The following BABAM2 variants were observed in gnomAD, a reference collection of about 807,000 sequenced individuals.
BABAM2 encodes BRISC and BRCA1-A complex member 2.
BABAM2 carries 31 observed loss-of-function variants against 54.7 expected under a neutral mutation model. The ratio of observed to expected loss-of-function variants is 0.57; its 90% CI spans 0.43 to 0.77. The LOEUF (loss-of-function observed/expected upper bound fraction) is 0.77. Among genes scored for constraint, BABAM2 ranks in the 30% least tolerant of loss-of-function variants. BABAM2 has a pLI of 0.00. For missense variants in BABAM2, 364 were observed against 455.8 expected, an observed-to-expected ratio of 0.80 and a Z score of 1.83; for synonymous variants, 167 against 162.9, an observed-to-expected ratio of 1.03 and a Z score of -0.19.
intron 5 of BABAM2, among the ~76,000 whole-genome samples, chr2:28,034,169 A>G (rs905510949): frequency 6.6e-6 from 1 of 152,156 alleles, no homozygotes; most frequent in African/African-American, 2.4e-5. Flanking sequence ...TATCTGAGCA[A>G]TGTTTGAGTG....
At chr2:28,135,488 G>A (rs1331037052) in intron 7 of BABAM2, among the ~76,000 whole-genome samples, 1 of 151,768 alleles carries the variant, frequency 6.6e-6, no homozygotes, top group Non-Finnish European at 1.5e-5. Context: ...TTGTGGCATT[G>A]CCTGTTTGTG....
chr2:28,005,868 C>T (rs1205497310), intron 4 of BABAM2, among the ~76,000 whole-genome samples: 1 of 152,046 alleles, frequency 6.6e-6, no homozygotes, highest in Non-Finnish European at 1.5e-5. Flanking sequence ...TTGAAGCAAA[C>T]CCCACATATT....
chr2:28,256,798 G>T (rs573897289), intron 10 of BABAM2, among the ~76,000 whole-genome samples: 1 of 149,874 alleles, frequency 6.7e-6, no homozygotes, highest in Admixed American at 6.7e-5. Context: ...GGGCTCAAGC[G>T]ATTCTCCTGC....
chr2:28,219,580 A>G (rs1183462441), intron 7 of BABAM2, among the ~76,000 whole-genome samples: 1 of 151,754 alleles, frequency 6.6e-6, no homozygotes, highest in Non-Finnish European at 1.5e-5. Flanking sequence ...AGCTTTGGGG[A>G]GCCATCATTC....
chr2:27,941,120 C>A (rs1456227105), intron 3 of BABAM2, among the ~76,000 whole-genome samples: 1 of 152,054 alleles, frequency 6.6e-6, no homozygotes, highest in Admixed American at 6.6e-5. Flanking sequence ...ATTTCTGGGT[C>A]ATGTATTATC....
chr2:27,932,096 T>G (rs1394278334), intron 3 of BABAM2, among the ~76,000 whole-genome samples: 1 of 152,186 alleles, frequency 6.6e-6, no homozygotes. Flanking sequence ...TTCTATGTTT[T>G]GTAGAATGAT....
rs775096236 is a variant in BABAM2 at position 27,929,867 on chromosome 2, G to A, written c.164G>A (p.Arg55Gln). 2 of 1,613,682 alleles carry A rather than the reference G, an allele frequency of 1.2e-6. No individual in the cohort carries two copies. The highest frequency in any genetic ancestry group is 8.5e-7 in the Non-Finnish European group (1 of 1,179,660). Residue 55 changes from arginine to glutamine, a missense_variant, in exon 3 of 12, where the codon CGA (arginine) becomes CAA (glutamine). Transcript: ENST00000379624. ...TTGACTCCTGGGCCCAACTGTGACCGATTTAAACTGCACATACCATATGCT... is the reference window on the plus strand; with the variant it reads ...TTGACTCCTGGGCCCAACTGTGACCAATTTAAACTGCACATACCATATGCT... ...TSLTPGPNCD[R>Q]FKLHIPYAGE...
chr2:28,193,777 C>G (rs1422111667), intron 7 of BABAM2, among the ~76,000 whole-genome samples: 1 of 152,228 alleles, frequency 6.6e-6, no homozygotes. Context: ...CTCTCTTCCT[C>G]TTTTCCCTCC....
chr2:27,890,219 C>T (rs1664701575), upstream of BABAM2: 1 of 1,596,128 alleles, frequency 6.3e-7, no homozygotes, highest in African/African-American at 1.3e-5. The surrounding 1 kb of genome is among the most constrained non-coding windows in gnomAD (Gnocchi z 4.8). Context: ...ACGCCTCCTC[C>T]CCCGAGCCGC....
chr2:28,259,715 T>G (rs578187173), intron 10 of BABAM2, among the ~76,000 whole-genome samples: 2 of 152,302 alleles, frequency 1.3e-5, no homozygotes, highest in South Asian at 4.1e-4. Context: ...GTTTCTAGTT[T>G]TAGCTCTAAA....
At chr2:28,111,524 A>G (rs537093824) in intron 6 of BABAM2, among the ~76,000 whole-genome samples, 121 of 152,238 alleles carry the variant, frequency 7.9e-4, no homozygotes, top group Non-Finnish European at 1.3e-3. Context: ...CTACTTTTTT[A>G]TCACTTGTAT....
At chr2:27,912,203 T>C (rs1005143044) in intron 2 of BABAM2, among the ~76,000 whole-genome samples, 3 of 152,116 alleles carry the variant, frequency 2.0e-5, no homozygotes, top group African/African-American at 7.2e-5. Flanking sequence ...ATTTTAAGTC[T>C]GTCACTGATT....
At chr2:27,952,504 G>A (rs1669805548) in intron 3 of BABAM2, among the ~76,000 whole-genome samples, 2 of 152,046 alleles carry the variant, frequency 1.3e-5, no homozygotes, top group Admixed American at 6.6e-5. Flanking sequence ...CATAATGAAG[G>A]GTGTTTAGGA....
intron 10 of BABAM2, among the ~76,000 whole-genome samples, chr2:28,263,139 A>G (rs1373645826): frequency 6.7e-6 from 1 of 149,112 alleles, no homozygotes; most frequent in Non-Finnish European, 1.5e-5. Flanking sequence ...CTCAAAAAAA[A>G]AAAAAAAAGA....
In BABAM2 at chr2:28,013,694, TACACACACACACAC is replaced by T. The variant is rs56148921; in HGVS notation, c.301-11509_301-11496del. On this transcript the variant is annotated intron_variant, in intron 4 of 11. Coordinates refer to ENST00000379624, the MANE Select transcript of BABAM2 (RefSeq NM_199191.3). ...AAAAAAAAAAAAAAAAAAAAGCTCT[TACACACACACACAC>T]ACACACACACACACACACACACGTG... 2.0e-4 allele frequency among the ~76,000 whole-genome samples: 21 copies of T among 106,038 alleles called. No homozygotes were observed. The East Asian group carries it at 2.8e-3, about 14-fold the overall frequency. The allele number at this position is 106,038 out of a possible 152,430, so 69.6% of individuals were successfully genotyped here.
At chr2:27,942,172 G>A (rs959485866) in intron 3 of BABAM2, among the ~76,000 whole-genome samples, 3 of 152,186 alleles carry the variant, frequency 2.0e-5, no homozygotes, top group Admixed American at 6.5e-5. Context: ...CAGAGACACT[G>A]TGGGGCTTGG....
At chr2:27,934,416 C>T (rs1414248975) in intron 3 of BABAM2, among the ~76,000 whole-genome samples, 1 of 152,144 alleles carries the variant, frequency 6.6e-6, no homozygotes, top group Non-Finnish European at 1.5e-5. Flanking sequence ...CTGTACTGAT[C>T]GTCCTTTTTC....
Position 28,145,002 on chromosome 2 carries a change from G to A in BABAM2, c.680+15622G>A, listed in dbSNP as rs572788089. On this transcript the variant is annotated intron_variant, in intron 7 of 11. Coordinates refer to ENST00000379624, the MANE Select transcript of BABAM2 (RefSeq NM_199191.3). The stretch of plus-strand genomic sequence containing the variant: ...CCTCACAGCACCTGCATCAACATGA[G>A]GTTGGGATTTGATTAAAAGTGGATT... Among the ~76,000 whole-genome samples, 57 of 152,304 alleles carry A rather than the reference G, an allele frequency of 3.7e-4. No homozygotes were observed. In the Middle Eastern group the frequency reaches 0.017, roughly 45 times the overall value.
At chr2:28,191,467 T>C (rs1676897025) in intron 7 of BABAM2, among the ~76,000 whole-genome samples, 1 of 152,136 alleles carries the variant, frequency 6.6e-6, no homozygotes, top group African/African-American at 2.4e-5. Context: ...TTATTTATAA[T>C]AGCCAAGAGG....
Sources: allele counts gnomAD v4.1 joint callset (sites outside exome capture counted in the v4.1 genomes callset), GRCh38; gene constraint gnomAD v4.1.1; non-coding constraint Gnocchi (gnomAD v3.1); transcripts MANE v1.5; gene names NCBI Gene and HGNC (gene_info 2026-07-23, HGNC 2026-07-21).